MCPH1: variants seen among roughly 807,000 people sequenced by gnomAD.
The protein encoded by MCPH1 is microcephalin 1, also known as microcephalin.
Under a neutral mutation model 84.5 loss-of-function variants are expected in MCPH1, and 104 were observed. The observed-to-expected ratio is 1.23, with a 90% CI of 1.05 to 1.45. The LOEUF (loss-of-function observed/expected upper bound fraction) is 1.45, where lower values mean the gene tolerates loss of function less well. Ranked by LOEUF, MCPH1 falls within the 40% of genes most tolerant of loss-of-function variation. The pLI, the probability that MCPH1 is intolerant of heterozygous loss-of-function variation, is 0.00. For synonymous variants in MCPH1, 514 were observed against 366.8 expected, an observed-to-expected ratio of 1.40 and a Z score of -4.58; for missense variants, 1,498 against 1,005.7, an observed-to-expected ratio of 1.49 and a Z score of -6.62.
chr8:6,431,133 C>G (rs1484435390), intron 3 of MCPH1, among the ~76,000 whole-genome samples: 2 of 152,152 alleles, frequency 1.3e-5, no homozygotes, highest in Non-Finnish European at 2.9e-5. Context: ...CCTTCTACCT[C>G]TGAATTATCT....
intron 12 of MCPH1, among the ~76,000 whole-genome samples, chr8:6,570,702 A>C (rs574266490): frequency 6.6e-6 from 1 of 151,582 alleles, no homozygotes; most frequent in African/African-American, 2.4e-5. Flanking sequence ...TGGCATTCTT[A>C]TTTAGGTGGC....
chr8:6,580,930 A>G (rs1827520497), intron 12 of MCPH1, among the ~76,000 whole-genome samples: 1 of 152,248 alleles, frequency 6.6e-6, no homozygotes, highest in Non-Finnish European at 1.5e-5. Flanking sequence ...CTGTAGGTTC[A>G]ACCAATCGTG....
At chr8:6,516,553 A>G (rs1816311378) in intron 12 of MCPH1, among the ~76,000 whole-genome samples, 1 of 152,222 alleles carries the variant, frequency 6.6e-6, no homozygotes, top group South Asian at 2.1e-4. Flanking sequence ...CATGAATAAT[A>G]CTGCCTCTTA....
intron 12 of MCPH1, among the ~76,000 whole-genome samples, chr8:6,599,342 T>G (rs542254100): frequency 1.2e-4 from 19 of 152,320 alleles, no homozygotes; most frequent in African/African-American, 4.3e-4. Context: ...TCGGAGTTAG[T>G]CAGGGACTGC....
At chr8:6,500,589 C>G (rs1811970188) in intron 12 of MCPH1, 1 of 152,816 alleles carries the variant, frequency 6.5e-6, no homozygotes, top group East Asian at 1.9e-4. Context: ...GGCCATATGA[C>G]TAAAACATAA....
intron 12 of MCPH1, chr8:6,521,129 A>G: frequency 6.7e-7 from 1 of 1,495,846 alleles, no homozygotes; most frequent in Non-Finnish European, 9.2e-7. Context: ...TGAGTGTTTT[A>G]CTGACTAAAG....
chr8:6,509,157 G>T, intron 12 of MCPH1: 3 of 1,483,856 alleles, frequency 2.0e-6, no homozygotes, highest in Non-Finnish European at 1.8e-6. Context: ...TTCTACAGAA[G>T]CGTGTTCTGT....
At chr8:6,475,000 C>G (rs1370443601) in intron 9 of MCPH1, among the ~76,000 whole-genome samples, 1 of 152,016 alleles carries the variant, frequency 6.6e-6, no homozygotes, top group Non-Finnish European at 1.5e-5. Flanking sequence ...TTTTTTAGTG[C>G]TGTTGAAAGT....
intron 12 of MCPH1, among the ~76,000 whole-genome samples, chr8:6,584,336 G>A (rs545414287): frequency 3.9e-5 from 6 of 152,272 alleles, no homozygotes; most frequent in African/African-American, 1.4e-4. Context: ...AGGGTTTAGT[G>A]AACCATAAAA....
intron 12 of MCPH1, 151 bp downstream of exon 12, chr8:6,500,080 A>G: frequency 1.4e-6 from 1 of 696,284 alleles, no homozygotes; most frequent in Middle Eastern, 3.9e-4. Flanking sequence ...ACCTTTTATC[A>G]ATTTATTCGC....
chr8:6,524,091 C>T (rs1817890927), intron 12 of MCPH1, among the ~76,000 whole-genome samples: 1 of 152,028 alleles, frequency 6.6e-6, no homozygotes, highest in Non-Finnish European at 1.5e-5. Context: ...AAACAGTGAC[C>T]AGATGTCAGA....
At chr8:6,576,163 G>A (rs1198219027) in intron 12 of MCPH1, among the ~76,000 whole-genome samples, 2 of 152,102 alleles carry the variant, frequency 1.3e-5, no homozygotes, top group Admixed American at 6.5e-5. Context: ...AACCTCAGGA[G>A]GGGGTGAAAA....
intron 13 of MCPH1, chr8:6,625,309 T>G: frequency 2.0e-6 from 2 of 985,446 alleles, no homozygotes; most frequent in Non-Finnish European, 2.4e-6. Flanking sequence ...GGCGTAGGCT[T>G]CTTAAGTGTG....
intron 12 of MCPH1, among the ~76,000 whole-genome samples, chr8:6,560,162 T>C (rs932401841): frequency 6.6e-6 from 1 of 152,220 alleles, no homozygotes; most frequent in Non-Finnish European, 1.5e-5. Context: ...TTGTAGTGGG[T>C]TGTTTTTGAA....
chr8:6,457,412 C>G (rs186103691), intron 9 of MCPH1, among the ~76,000 whole-genome samples: 1 of 152,146 alleles, frequency 6.6e-6, no homozygotes, highest in East Asian at 1.9e-4. Flanking sequence ...TGGCAAAACC[C>G]TGGCCAACAT....
In MCPH1 at chr8:6,521,433, G is replaced by C. The variant is rs1817314310; in HGVS notation, c.2214+21504G>C. ...AAACTTGTAAGGAAAAGAATTGTTA[G>C]TTAGTGAAGGCTATTCTAATGAAAT... On this transcript the variant is annotated intron_variant, in intron 12 of 13. Transcript: ENST00000344683. The C allele has an allele frequency of 2.0e-6, 3 of 1,494,960 alleles. No individual in the cohort carries two copies. The East Asian group carries it at 6.8e-5, about 34-fold the overall frequency. 92.6% of individuals were successfully genotyped at this position (1,494,960 alleles called of 1,614,324 possible). A position where few individuals can be genotyped will look rare whatever the true frequency, so the allele number is the denominator to read the frequency against.
chr8:6,643,122 A>G lies in MCPH1; in HGVS notation c.*73A>G. ...TCTTTGGATGTTCAAATGAGAAACA[A>G]AACTGTGAAGAGAAGGAACTGGCGT... On this transcript the variant is annotated 3_prime_UTR_variant, in exon 14 of 14. Coordinates refer to ENST00000344683, the MANE Select transcript of MCPH1 (RefSeq NM_024596.5). The G allele has an allele frequency of 7.6e-7, 1 of 1,318,498 alleles. No homozygotes were observed. Among genetic ancestry groups the G allele is most frequent in the Non-Finnish European group, 1.1e-6 (1 of 914,698 alleles). The allele number at this position is 1,318,498 out of a possible 1,614,324, so 81.7% of individuals were successfully genotyped here.
intron 12 of MCPH1, among the ~76,000 whole-genome samples, chr8:6,555,034 T>C (rs755721320): frequency 2.0e-5 from 3 of 152,236 alleles, no homozygotes; most frequent in Non-Finnish European, 4.4e-5. Context: ...TTCCCCTTTT[T>C]TTTAAACCAC....
At chr8:6,410,713 C>T (rs910536608) in intron 2 of MCPH1, among the ~76,000 whole-genome samples, 7 of 152,088 alleles carry the variant, frequency 4.6e-5, no homozygotes, top group Admixed American at 3.3e-4. Flanking sequence ...CATCTTCATT[C>T]CCAAAGATAA....
Sources: gnomAD v4.1 joint callset for allele counts (sites outside exome capture counted in the v4.1 genomes callset) on GRCh38, gnomAD v4.1.1 for gene constraint, MANE v1.5 for transcripts, NCBI Gene and HGNC (gene_info 2026-07-23, HGNC 2026-07-21) for gene names.